Variants in SLC14A2 observed in about 807,000 individuals in gnomAD.
SLC14A2 encodes solute carrier family 14 member 2.
Under a neutral mutation model 104.6 loss-of-function variants are expected in SLC14A2, and 91 were observed. The observed-to-expected ratio is 0.87, with a 90% CI of 0.73 to 1.04. The LOEUF is 1.04. SLC14A2 is among the 50% of genes least tolerant of loss of function. The pLI is 0.00. For missense variants in SLC14A2, 1,189 were observed against 1,156.0 expected, an observed-to-expected ratio of 1.03 and a Z score of -0.41; for synonymous variants, 476 against 466.4, an observed-to-expected ratio of 1.02 and a Z score of -0.27.
At chr18:45,241,646 T>C (rs1391369739) in intron 1 of SLC14A2, among the ~76,000 whole-genome samples, 3 of 146,838 alleles carry the variant, frequency 2.0e-5, no homozygotes, top group Admixed American at 2.0e-4. Context: ...TCTCTTTTTT[T>C]TTTTTTTTTT....
chr18:45,585,649 G>A (rs1472560229), intron 2 of SLC14A2, among the ~76,000 whole-genome samples: 1 of 152,214 alleles, frequency 6.6e-6, no homozygotes, highest in Non-Finnish European at 1.5e-5. Flanking sequence ...CCTGAGCCCA[G>A]AGAAGTGAAA....
chr18:45,326,285 T>A (rs1322435443), intron 1 of SLC14A2, among the ~76,000 whole-genome samples: 1 of 152,194 alleles, frequency 6.6e-6, no homozygotes, highest in East Asian at 1.9e-4. Context: ...TCACAGGTTT[T>A]ACTCATCAGT....
chr18:45,453,407 C>T (rs2542987), intron 1 of SLC14A2, among the ~76,000 whole-genome samples: 125,072 of 152,084 alleles, frequency 0.82, 51,507 homozygotes, highest in South Asian at 0.88. Flanking sequence ...AAATCAGCTT[C>T]CAGGGCATTT....
intron 1 of SLC14A2, among the ~76,000 whole-genome samples, chr18:45,333,364 T>C (rs1238198548): frequency 1.3e-5 from 2 of 152,278 alleles, no homozygotes; most frequent in South Asian, 2.1e-4. Flanking sequence ...GGAGTTATTA[T>C]ACTAGAAAAG....
intron 2 of SLC14A2, chr18:45,528,007 C>T (rs750372794): frequency 9.2e-5 from 14 of 152,092 alleles, no homozygotes; most frequent in Non-Finnish European, 1.8e-4. Flanking sequence ...CATGTGTGTG[C>T]CCATAGGGCC....
intron 2 of SLC14A2, among the ~76,000 whole-genome samples, chr18:45,516,165 G>C (rs1050012494): frequency 6.6e-6 from 1 of 152,194 alleles, no homozygotes; most frequent in African/African-American, 2.4e-5. Flanking sequence ...AACTCTCCAT[G>C]ATGTATTGAA....
intron 1 of SLC14A2, among the ~76,000 whole-genome samples, chr18:45,279,507 C>T (rs2084739318): frequency 6.6e-6 from 1 of 152,068 alleles, no homozygotes; most frequent in African/African-American, 2.4e-5. Flanking sequence ...AATGTGGTTT[C>T]CATGTGATCA....
At chr18:45,500,451 C>T (rs2043176641) in intron 2 of SLC14A2, among the ~76,000 whole-genome samples, 1 of 151,946 alleles carries the variant, frequency 6.6e-6, no homozygotes, top group African/African-American at 2.4e-5. Flanking sequence ...GTAGCGGGCG[C>T]CTGTAGTCCC....
intron 1 of SLC14A2, among the ~76,000 whole-genome samples, chr18:45,388,803 G>A (rs977697959): frequency 2.0e-5 from 3 of 152,132 alleles, no homozygotes; most frequent in Admixed American, 1.3e-4. Flanking sequence ...GGTCGCTGAA[G>A]GCCACAGGTG....
upstream of SLC14A2, among the ~76,000 whole-genome samples, chr18:45,208,469 G>T (rs1262132902): frequency 2.0e-5 from 3 of 152,164 alleles, no homozygotes; most frequent in Non-Finnish European, 2.9e-5. Context: ...ACATCTCTGG[G>T]TCCACCTCTG....
At chr18:45,470,501 A>T (rs903019851) in intron 1 of SLC14A2, among the ~76,000 whole-genome samples, 1 of 151,976 alleles carries the variant, frequency 6.6e-6, no homozygotes, top group Non-Finnish European at 1.5e-5. Flanking sequence ...TTCTGCCTCT[A>T]TTGCCTCTTT....
intron 2 of SLC14A2, among the ~76,000 whole-genome samples, chr18:45,522,719 T>C (rs912623819): frequency 6.6e-6 from 1 of 152,232 alleles, no homozygotes; most frequent in East Asian, 1.9e-4. Context: ...GTGCTTGTTA[T>C]TGTGGTTGTT....
chr18:45,328,662 TA>T (rs2085259641), intron 1 of SLC14A2, among the ~76,000 whole-genome samples: 1 of 152,192 alleles, frequency 6.6e-6, no homozygotes, highest in Non-Finnish European at 1.5e-5. Context: ...TCCTTGACCC[TA>T]ACTGGTAGAT....
intron 1 of SLC14A2, among the ~76,000 whole-genome samples, chr18:45,445,790 C>G (rs997054447): frequency 4.6e-5 from 7 of 152,154 alleles, no homozygotes; most frequent in Admixed American, 3.9e-4. Flanking sequence ...GAGGCCCTTC[C>G]CTCCCAAATA....
intron 7 of SLC14A2, 47 bp from the exon 8 acceptor site, chr18:45,641,162 G>A: frequency 6.2e-7 from 1 of 1,603,668 alleles, no homozygotes; most frequent in Non-Finnish European, 8.5e-7. Flanking sequence ...GGTGGTCTTT[G>A]TTCTGTGGCC....
intron 10 of SLC14A2, among the ~76,000 whole-genome samples, chr18:45,663,327 C>A (rs1001340690): frequency 1.3e-5 from 2 of 152,186 alleles, no homozygotes; most frequent in Non-Finnish European, 2.9e-5. Flanking sequence ...TTTTAAATAC[C>A]ATGGGCATTC....
chr18:45,586,732 A>ACAAT (rs2044571646), intron 2 of SLC14A2, among the ~76,000 whole-genome samples: 1 of 152,004 alleles, frequency 6.6e-6, no homozygotes, highest in Non-Finnish European at 1.5e-5. Context: ...CTCCCAATCT[A>ACAAT]CAATCAGGTG....
intron 1 of SLC14A2, among the ~76,000 whole-genome samples, chr18:45,285,326 T>C (rs1417235242): frequency 6.6e-6 from 1 of 152,258 alleles, no homozygotes; most frequent in East Asian, 1.9e-4. Context: ...ATTCATTTAC[T>C]GTATATGAAT....
At chr18:45,208,413 C>T (rs1460251067), upstream of SLC14A2, among the ~76,000 whole-genome samples, 6 of 152,254 alleles carry the variant, frequency 3.9e-5, no homozygotes, top group South Asian at 2.1e-4. Flanking sequence ...TAAGAGCTAA[C>T]GACAAGCTTA....
Sources: gnomAD v4.1 joint callset for allele counts (sites outside exome capture counted in the v4.1 genomes callset) on GRCh38, gnomAD v4.1.1 for gene constraint, MANE v1.5 for transcripts, NCBI Gene and HGNC (gene_info 2026-07-23, HGNC 2026-07-21) for gene names.